ZNF385D: variants seen among roughly 807,000 people sequenced by gnomAD.
ZNF385D encodes the protein zinc finger protein 385D, also known as zinc finger protein 659.
Under a neutral mutation model 35.8 loss-of-function variants are expected in ZNF385D, and 15 were observed. The ratio of observed to expected loss-of-function variants is 0.42; its 90% CI spans 0.28 to 0.64. The LOEUF (loss-of-function observed/expected upper bound fraction) is 0.64, where lower values mean the gene tolerates loss of function less well. ZNF385D is among the 30% of genes least tolerant of loss of function. The pLI, the probability that ZNF385D is intolerant of heterozygous loss-of-function variation, is 0.23. For missense variants in ZNF385D, 474 were observed against 494.6 expected, an observed-to-expected ratio of 0.96 and a Z score of 0.39; for synonymous variants, 212 against 186.8, an observed-to-expected ratio of 1.13 and a Z score of -1.10.
chr3:22,095,647 A>G (rs960053807), intron 3 of ZNF385D, among the ~76,000 whole-genome samples: 3 of 133,706 alleles, frequency 2.2e-5, no homozygotes, highest in Non-Finnish European at 3.4e-5. Context: ...ATAAAAATCT[A>G]TTGCAGGAAA....
intron 3 of ZNF385D, among the ~76,000 whole-genome samples, chr3:22,045,833 T>C (rs779247052): frequency 2.2e-4 from 34 of 152,208 alleles, no homozygotes; most frequent in South Asian, 1.9e-3. Context: ...GGGCCCCAGC[T>C]GCCCTTGAGA....
chr3:22,057,365 C>T (rs963028823), intron 3 of ZNF385D, among the ~76,000 whole-genome samples: 7 of 152,106 alleles, frequency 4.6e-5, no homozygotes, highest in Non-Finnish European at 1.0e-4. Flanking sequence ...TAAAAATTAA[C>T]ATTAGCTAAC....
chr3:21,803,105 C>T (rs1200228327), intron 3 of ZNF385D, among the ~76,000 whole-genome samples: 2 of 152,164 alleles, frequency 1.3e-5, no homozygotes, highest in Non-Finnish European at 2.9e-5. Context: ...CCACCTGACA[C>T]CCAGGGGTTT....
At chr3:21,815,800 A>AAAAAGGAAAATCAATAG (rs2073121733) in intron 3 of ZNF385D, among the ~76,000 whole-genome samples, 2 of 152,224 alleles carry the variant, frequency 1.3e-5, no homozygotes, top group Non-Finnish European at 2.9e-5. Flanking sequence ...AATCAATAGA[A>AAAAAGGAAAATCAATAG]AAAGAGGAAA....
At chr3:21,453,178 A>T (rs1043475588) in intron 4 of ZNF385D, among the ~76,000 whole-genome samples, 135 of 151,966 alleles carry the variant, frequency 8.9e-4, no homozygotes, top group Non-Finnish European at 1.5e-3. Flanking sequence ...CAAAAAAAAA[A>T]AAAATGAAGT....
intron 3 of ZNF385D, among the ~76,000 whole-genome samples, chr3:21,906,289 T>C (rs752872476): frequency 1.3e-5 from 2 of 152,200 alleles, no homozygotes; most frequent in South Asian, 2.1e-4. Context: ...TGAGTAGCCA[T>C]GTCCAGCACT....
chr3:22,307,158 A>G (rs73134677), intron 2 of ZNF385D, among the ~76,000 whole-genome samples: 2,516 of 152,212 alleles, frequency 0.017, 77 homozygotes, highest in African/African-American at 0.057. Context: ...GGAGCAGACA[A>G]TAAGTGCAAT....
intron 3 of ZNF385D, among the ~76,000 whole-genome samples, chr3:22,149,363 T>C (rs1705078780): frequency 6.6e-6 from 1 of 152,206 alleles, no homozygotes; most frequent in Admixed American, 6.5e-5. Context: ...TTGCACTAAA[T>C]ACATTACCTA....
intron 2 of ZNF385D, among the ~76,000 whole-genome samples, chr3:22,368,495 C>A (rs1036654175): frequency 8.5e-5 from 13 of 152,094 alleles, no homozygotes; most frequent in Admixed American, 8.5e-4. Context: ...TGGACTGCTA[C>A]AACAAAATAC....
At chr3:21,576,797 G>A (rs2063508816) in intron 2 of ZNF385D, among the ~76,000 whole-genome samples, 1 of 152,102 alleles carries the variant, frequency 6.6e-6, no homozygotes. Flanking sequence ...AAAAGAAAGG[G>A]AAGAAAGTGA....
intron 3 of ZNF385D, among the ~76,000 whole-genome samples, chr3:22,121,308 G>A (rs190046665): frequency 3.3e-5 from 5 of 152,238 alleles, no homozygotes; most frequent in African/African-American, 7.2e-5. Context: ...GAGAGAAACC[G>A]TTTCCCTTCA....
chr3:22,116,761 G>A (rs1042551137), intron 3 of ZNF385D, among the ~76,000 whole-genome samples: 42 of 151,922 alleles, frequency 2.8e-4, no homozygotes, highest in Admixed American at 3.3e-4. Flanking sequence ...ACAAAGCCTA[G>A]CATATATAGT....
intron 2 of ZNF385D, among the ~76,000 whole-genome samples, chr3:22,277,680 GT>G (rs1701498257): frequency 6.6e-6 from 1 of 152,046 alleles, no homozygotes; most frequent in Non-Finnish European, 1.5e-5. Context: ...TAGCACAAAT[GT>G]TTTTTACAAT....
intron 3 of ZNF385D, among the ~76,000 whole-genome samples, chr3:21,789,628 TA>T (rs2125656609): frequency 6.6e-6 from 1 of 152,268 alleles, no homozygotes; most frequent in East Asian, 1.9e-4. Flanking sequence ...TTCTGAAGAA[TA>T]AAGGTAGACA....
In ZNF385D at chr3:21,418,300, G is replaced by GA. The variant is rs35145215; in HGVS notation, c.*2913dup. 3.3e-5 allele frequency: 5 copies of GA among 152,144 alleles called. No individual in the cohort carries two copies. The South Asian group carries it at 8.3e-4, about 25-fold the overall frequency. The allele number at this position is 152,144 out of a possible 1,614,324, so 9.4% of individuals were successfully genotyped here. ...ATCTAAATTGTGGATCTTTATTCAT[G>GA]AAAAAAGTTCCCTAAGGGAAAAGAT... On this transcript the variant is annotated 3_prime_UTR_variant, in exon 8 of 8. Transcript: ENST00000281523.
chr3:21,413,139 A>G lies in ZNF385D; in HGVS notation c.*8075T>C, dbSNP rs947685787. ...TAACATATAGAATCATCATTCAACT[A>G]TCATAATATAAAACACAATAAAATC... is the stretch of plus-strand genomic sequence containing the variant. On this transcript the variant is annotated 3_prime_UTR_variant, in exon 8 of 8. Transcript: ENST00000281523. 1 of 152,076 alleles carries G rather than the reference A, an allele frequency of 6.6e-6. No homozygotes were observed. The highest frequency in any genetic ancestry group is 1.5e-5 in the Non-Finnish European group (1 of 68,000). 9.4% of individuals were successfully genotyped at this position (152,076 alleles called of 1,614,324 possible). A position where few individuals can be genotyped will look rare whatever the true frequency, so the allele number is the denominator to read the frequency against.
At chr3:21,637,459 T>C (rs1260988509) in intron 2 of ZNF385D, among the ~76,000 whole-genome samples, 2 of 152,180 alleles carry the variant, frequency 1.3e-5, no homozygotes, top group African/African-American at 4.8e-5. Flanking sequence ...TCTGTTCCAT[T>C]GGTCTGTATA....
chr3:22,106,655 G>C (rs1391734034), intron 3 of ZNF385D, among the ~76,000 whole-genome samples: 1 of 152,148 alleles, frequency 6.6e-6, no homozygotes, highest in African/African-American at 2.4e-5. Context: ...CCTGAGGCCA[G>C]TTGGCTGAAG....
At chr3:21,819,768 A>G (rs1411467109) in intron 3 of ZNF385D, among the ~76,000 whole-genome samples, 1 of 107,716 alleles carries the variant, frequency 9.3e-6, no homozygotes, top group Non-Finnish European at 2.0e-5. Flanking sequence ...AATTATATAT[A>G]ATTAATACAC....
Sources: gnomAD v4.1 joint callset for allele counts (sites outside exome capture counted in the v4.1 genomes callset) on GRCh38, gnomAD v4.1.1 for gene constraint, MANE v1.5 for transcripts, NCBI Gene and HGNC (gene_info 2026-07-23, HGNC 2026-07-21) for gene names.